Variants in STRADA observed in about 807,000 individuals in gnomAD.
STRADA encodes the protein STE20-related kinase adapter protein alpha.
A neutral mutation model predicts 55.0 loss-of-function variants in STRADA; 26 were observed. The observed-to-expected ratio is 0.47, with a 90% confidence interval of 0.35 to 0.66. The LOEUF is 0.66. Ranked by LOEUF, STRADA falls within the 30% of genes least tolerant of loss-of-function variation. The pLI is 0.01. For synonymous variants in STRADA, 197 were observed against 210.9 expected, an observed-to-expected ratio of 0.93 and a Z score of 0.57; for missense variants, 443 against 549.7, an observed-to-expected ratio of 0.81 and a Z score of 1.94.
At chr17:63,711,134 A>G (rs928787666) in intron 6 of STRADA, among the ~76,000 whole-genome samples, 7 of 152,224 alleles carry the variant, frequency 4.6e-5, no homozygotes, top group Non-Finnish European at 8.8e-5. Flanking sequence ...CTGAAGTTAT[A>G]AGCTTATCTC....
intron 4 of STRADA, among the ~76,000 whole-genome samples, chr17:63,721,031 C>T (rs190430961): frequency 1.3e-3 from 193 of 145,678 alleles, no homozygotes; most frequent in African/African-American, 4.8e-3. Context: ...AGGTGGCAGA[C>T]GTTGCAGTGA....
At chr17:63,729,490 A>AT (rs1472277621) in intron 1 of STRADA, among the ~76,000 whole-genome samples, 6 of 152,170 alleles carry the variant, frequency 3.9e-5, no homozygotes, top group African/African-American at 1.4e-4. Context: ...GCAAATAGAA[A>AT]TAACTATGTC....
At position 63,704,735 on chromosome 17, in the gene STRADA, T is replaced by C. The variant is rs1219552949; in HGVS notation, c.859-153A>G. ...AAAGGTGGAAGTGGAGTAAGTCCAA[T>C]TTTCCCAAAGAAACGCTGGTCACTG... On this transcript the variant is annotated intron_variant, in intron 10 of 12. Coordinates refer to ENST00000336174, the MANE Select transcript of STRADA (RefSeq NM_001003787.4). 44 of 1,520,954 alleles carry C rather than the reference T, an allele frequency of 2.9e-5. No individual in the cohort carries two copies. In the South Asian group the frequency reaches 4.9e-4, roughly 17 times the overall value. 94.2% of individuals were successfully genotyped at this position (1,520,954 alleles called of 1,614,324 possible).
intron 8 of STRADA, among the ~76,000 whole-genome samples, chr17:63,709,183 A>G (rs1327531414): frequency 6.6e-6 from 1 of 152,094 alleles, no homozygotes; most frequent in Admixed American, 6.6e-5. Flanking sequence ...AGTGGCATTG[A>G]TGGTTCTGGT....
At chr17:63,723,643 A>G (rs139606909) in intron 3 of STRADA, 8 of 294,596 alleles carry the variant, frequency 2.7e-5, no homozygotes, top group Non-Finnish European at 5.1e-5. Context: ...TCAACACACA[A>G]TGTTATTATG....
intron 6 of STRADA, among the ~76,000 whole-genome samples, chr17:63,713,000 C>CA (rs5821401): frequency 0.64 from 80,752 of 125,218 alleles, 24,825 homozygotes; most frequent in South Asian, 0.74. Flanking sequence ...GAATCCGTCT[C>CA]AAAAAAAAAA....
intron 9 of STRADA, 139 bp downstream of exon 9, chr17:63,707,108 C>T: frequency 9.3e-7 from 1 of 1,073,408 alleles, no homozygotes; most frequent in Non-Finnish European, 1.3e-6. Flanking sequence ...CAGGCGCTGC[C>T]CACGCTGAGG....
intron 4 of STRADA, among the ~76,000 whole-genome samples, chr17:63,718,105 T>A (rs569307707): frequency 9.2e-5 from 14 of 152,214 alleles, no homozygotes; most frequent in Admixed American, 2.6e-4. Context: ...GTATTTTTTG[T>A]AGAGATGAGG....
chr17:63,737,242 C>CT (rs1246658099), intron 1 of STRADA, among the ~76,000 whole-genome samples: 1 of 50,562 alleles, frequency 2.0e-5, no homozygotes, highest in African/African-American at 6.6e-5. Context: ...GAGCAACACT[C>CT]TATCTCAAAA....
At chr17:63,738,659 A>G (rs1162318039) in intron 1 of STRADA, among the ~76,000 whole-genome samples, 1 of 151,330 alleles carries the variant, frequency 6.6e-6, no homozygotes, top group East Asian at 2.0e-4. Context: ...GCAGTTCCAC[A>G]CTGCCCCAGG....
intron 8 of STRADA, among the ~76,000 whole-genome samples, chr17:63,710,029 TCTC>T (rs2036384162): frequency 1.4e-5 from 2 of 145,824 alleles, no homozygotes; most frequent in South Asian, 4.2e-4. Flanking sequence ...CAGATCCTTC[TCTC>T]TTTTTTTTTT....
At chr17:63,716,362 C>T (rs1016948141) in intron 4 of STRADA, among the ~76,000 whole-genome samples, 1 of 152,146 alleles carries the variant, frequency 6.6e-6, no homozygotes, top group Non-Finnish European at 1.5e-5. Flanking sequence ...TCCCAAAGTG[C>T]TAACATTACA....
At chr17:63,728,446 A>G in intron 1 of STRADA, 33 bp from the exon 2 acceptor site, 1 of 1,259,688 alleles carries the variant, frequency 7.9e-7, no homozygotes, top group Non-Finnish European at 1.1e-6. Flanking sequence ...TTGAGTTAGC[A>G]AAAATCTCCT....
intron 4 of STRADA, among the ~76,000 whole-genome samples, chr17:63,720,295 T>G (rs1446449050): frequency 1.3e-5 from 2 of 151,968 alleles, no homozygotes; most frequent in African/African-American, 4.8e-5. Flanking sequence ...CTGCCTCATC[T>G]TCCTGGGTAG....
chr17:63,731,029 C>T (rs1405406438), intron 1 of STRADA, among the ~76,000 whole-genome samples: 5 of 151,818 alleles, frequency 3.3e-5, no homozygotes, highest in African/African-American at 7.3e-5. Context: ...CTGCAACCTC[C>T]GACTCCCAGG....
chr17:63,704,186 G>A, intron 11 of STRADA, 139 bp from the exon 12 acceptor site: 2 of 1,519,326 alleles, frequency 1.3e-6, no homozygotes, highest in Non-Finnish European at 1.8e-6. Context: ...AGCTCCCCAG[G>A]CTGGCCTCTG....
chr17:63,710,032 CTTTTTTTT>C lies in STRADA; in HGVS notation c.581+451_581+458del, dbSNP rs199783375. ...AAGGTCAGAATCCAGATCCTTCTCT[CTTTTTTTT>C]TTTTTTTTTTTCAGACAAGAGTCTC... On this transcript the variant is annotated intron_variant, in intron 8 of 12. Transcript: ENST00000336174. 9.8e-5 allele frequency among the ~76,000 whole-genome samples: 13 copies of C among 132,254 alleles called. No individual in the cohort carries two copies. The East Asian group carries it at 1.9e-3, about 20-fold the overall frequency. 86.8% of individuals were successfully genotyped at this position (132,254 alleles called of 152,430 possible).
At chr17:63,739,624 TAAG>T (rs1008059448) in intron 1 of STRADA, among the ~76,000 whole-genome samples, 1 of 151,134 alleles carries the variant, frequency 6.6e-6, no homozygotes, top group Non-Finnish European at 1.5e-5. Flanking sequence ...TATCAAAAAT[TAAG>T]AAATACATAT....
chr17:63,706,824 G>A (rs1472746007), intron 9 of STRADA, 85 bp from the exon 10 acceptor site: 1 of 1,054,304 alleles, frequency 9.5e-7, no homozygotes, highest in African/African-American at 1.6e-5. Flanking sequence ...GGAAAAGGAT[G>A]GCTGTCCCCA....
Sources: gnomAD v4.1 joint callset for allele counts (sites outside exome capture counted in the v4.1 genomes callset) on GRCh38, gnomAD v4.1.1 for gene constraint, MANE v1.5 for transcripts, NCBI Gene and HGNC (gene_info 2026-07-23, HGNC 2026-07-21) for gene names.